The following SPPL3 variants were observed in gnomAD, a reference collection of about 807,000 sequenced individuals.
The protein encoded by SPPL3 is signal peptide peptidase-like 3.
A neutral mutation model predicts 42.4 loss-of-function variants in SPPL3; 5 were observed. The ratio of observed to expected loss-of-function variants is 0.12; its 90% confidence interval spans 0.06 to 0.25. The LOEUF is 0.25. Among genes scored for constraint, SPPL3 ranks in the 10% least tolerant of loss-of-function variants. The pLI, the probability that SPPL3 is intolerant of heterozygous loss-of-function variation, is 1.00. For synonymous variants in SPPL3, 195 were observed against 181.8 expected, an observed-to-expected ratio of 1.07 and a Z score of -0.58; for missense variants, 235 against 489.0, an observed-to-expected ratio of 0.48 and a Z score of 4.90.
intron 7 of SPPL3, 117 bp downstream of exon 7, chr12:120,768,836 G>C (rs1396728941): frequency 1.9e-5 from 16 of 829,192 alleles, no homozygotes; most frequent in Non-Finnish European, 5.8e-6. Flanking sequence ...ACTGGAGAGA[G>C]AGTGATCAGC....
At position 120,852,905 on chromosome 12, in the gene SPPL3, A is replaced by AT. The variant is rs1279076280; in HGVS notation, c.24-42020dup. On this transcript the variant is annotated intron_variant, in intron 1 of 10. Coordinates refer to ENST00000353487, the MANE Select transcript of SPPL3 (RefSeq NM_139015.5). ...ATATATATTTCATATATATATATAT[A>AT]TTTTTTAAGATGGATTTTCACTCTT... 1.7e-4 allele frequency among the ~76,000 whole-genome samples: 19 copies of AT among 112,788 alleles called. 1 individual carries two copies. The highest frequency in any genetic ancestry group is 4.3e-4 in the Admixed American group (4 of 9,394). The allele number at this position is 112,788 out of a possible 152,430, so 74.0% of individuals were successfully genotyped here.
intron 1 of SPPL3, among the ~76,000 whole-genome samples, chr12:120,852,771 ATATAT>A (rs1872287907): frequency 7.2e-6 from 1 of 139,778 alleles, no homozygotes; most frequent in Non-Finnish European, 1.5e-5. Flanking sequence ...TATGTATATT[ATATAT>A]AAAATATATT....
At chr12:120,852,184 T>C (rs923348448) in intron 1 of SPPL3, among the ~76,000 whole-genome samples, 3 of 152,058 alleles carry the variant, frequency 2.0e-5, no homozygotes, top group Admixed American at 6.6e-5. Flanking sequence ...CTCTCTGTTA[T>C]GCAAAGTGCA....
intron 1 of SPPL3, 181 bp from the exon 2 acceptor site, chr12:120,811,067 G>A (rs775232098): frequency 2.1e-6 from 1 of 482,804 alleles, no homozygotes; most frequent in Non-Finnish European, 3.6e-6. Flanking sequence ...TTAACATGAA[G>A]AATAAATTGG....
intron 1 of SPPL3, among the ~76,000 whole-genome samples, chr12:120,833,823 CAG>C (rs1200041269): frequency 2.1e-5 from 3 of 142,646 alleles, no homozygotes; most frequent in Non-Finnish European, 3.0e-5. Context: ...TTTCAAGTGA[CAG>C]AGGAATATTT....
At chr12:120,894,146 G>A (rs1384437879) in intron 1 of SPPL3, among the ~76,000 whole-genome samples, 4 of 152,172 alleles carry the variant, frequency 2.6e-5, no homozygotes, top group Non-Finnish European at 4.4e-5. Context: ...CCAACATGGA[G>A]AAACCCCGTC....
At chr12:120,805,588 A>G (rs1240871698) in intron 2 of SPPL3, among the ~76,000 whole-genome samples, 1 of 152,244 alleles carries the variant, frequency 6.6e-6, no homozygotes, top group African/African-American at 2.4e-5. Flanking sequence ...TTTGCAGACC[A>G]CATCATCCTA....
chr12:120,879,204 T>A (rs1873207258), intron 1 of SPPL3, among the ~76,000 whole-genome samples: 1 of 151,558 alleles, frequency 6.6e-6, no homozygotes, highest in African/African-American at 2.4e-5. Flanking sequence ...CAGGGGAAGC[T>A]GCAGTCACAT....
intron 1 of SPPL3, among the ~76,000 whole-genome samples, chr12:120,873,257 G>A (rs1033135937): frequency 2.6e-5 from 4 of 152,098 alleles, no homozygotes; most frequent in African/African-American, 9.7e-5. Flanking sequence ...GCAGTAAAAA[G>A]TACCCACAGT....
At chr12:120,802,409 GTGTGTGTA>G (rs1218880767) in intron 2 of SPPL3, among the ~76,000 whole-genome samples, 6 of 111,690 alleles carry the variant, frequency 5.4e-5, no homozygotes, top group African/African-American at 2.8e-4. Context: ...GTGTGTGTGT[GTGTGTGTA>G]TATATATATA....
intron 1 of SPPL3, among the ~76,000 whole-genome samples, chr12:120,816,162 A>G (rs914109804): frequency 6.6e-6 from 1 of 152,232 alleles, no homozygotes; most frequent in Non-Finnish European, 1.5e-5. Context: ...TGTGCAAAAT[A>G]TAAGAGTGTG....
chr12:120,836,340 AG>A (rs982307763), intron 1 of SPPL3, among the ~76,000 whole-genome samples: 1 of 152,120 alleles, frequency 6.6e-6, no homozygotes, highest in African/African-American at 2.4e-5. Context: ...CTGGCATGCA[AG>A]GAAGTCCAGG....
chr12:120,845,458 A>C (rs1871992742), intron 1 of SPPL3: 1 of 416,934 alleles, frequency 2.4e-6, no homozygotes, highest in East Asian at 6.0e-5. Context: ...CCCACGCCCC[A>C]CACAGTGAAG....
chr12:120,771,919 T>C (rs1869137524), intron 6 of SPPL3, among the ~76,000 whole-genome samples: 1 of 152,254 alleles, frequency 6.6e-6, no homozygotes, highest in Admixed American at 6.5e-5. Context: ...CAGAAGGTCC[T>C]GCCCCCGGCT....
At chr12:120,872,389 C>T (rs977932249) in intron 1 of SPPL3, among the ~76,000 whole-genome samples, 4 of 152,184 alleles carry the variant, frequency 2.6e-5, no homozygotes, top group Non-Finnish European at 4.4e-5. Flanking sequence ...GATCCCCCTC[C>T]AGGGAAAGGA....
At chr12:120,866,282 C>T (rs1249663947) in intron 1 of SPPL3, among the ~76,000 whole-genome samples, 1 of 152,186 alleles carries the variant, frequency 6.6e-6, no homozygotes, top group East Asian at 1.9e-4. Flanking sequence ...AGGCCTGTGA[C>T]CTAAGGTACC....
At chr12:120,780,584 A>G (rs1869493528) in intron 6 of SPPL3, among the ~76,000 whole-genome samples, 1 of 115,952 alleles carries the variant, frequency 8.6e-6, no homozygotes, top group Non-Finnish European at 1.6e-5. Flanking sequence ...CCCTGTCTCT[A>G]TTTAAAAAAA....
intron 1 of SPPL3, among the ~76,000 whole-genome samples, chr12:120,844,545 C>T (rs1204470655): frequency 6.6e-6 from 1 of 152,186 alleles, no homozygotes; most frequent in African/African-American, 2.4e-5. Flanking sequence ...ACCCCACACA[C>T]ATGGCTGAGT....
intron 6 of SPPL3, among the ~76,000 whole-genome samples, chr12:120,771,443 C>T (rs113034412): frequency 1.4e-4 from 21 of 152,378 alleles, no homozygotes; most frequent in African/African-American, 4.8e-4. Context: ...CAGTTCTTCA[C>T]GCAAGTACTA....
Sources: gnomAD v4.1 joint callset for allele counts (sites outside exome capture counted in the v4.1 genomes callset) on GRCh38, gnomAD v4.1.1 for gene constraint, MANE v1.5 for transcripts, NCBI Gene and HGNC (gene_info 2026-07-23, HGNC 2026-07-21) for gene names.